KIF26B: variants seen among roughly 807,000 people sequenced by gnomAD.
KIF26B encodes kinesin-like protein KIF26B.
In KIF26B, 63 loss-of-function variants were observed where a neutral mutation model predicts 151.2. The ratio of observed to expected loss-of-function variants is 0.42; its 90% CI spans 0.34 to 0.51. KIF26B has a LOEUF of 0.51. Among genes scored for constraint, KIF26B ranks in the 20% least tolerant of loss-of-function variants. The pLI is 0.07. For missense variants in KIF26B, 2,813 were observed against 2,913.6 expected (o/e 0.97, Z 0.79); for synonymous variants, 1,357 against 1,262.1 (o/e 1.08, Z -1.59).
intron 4 of KIF26B, among the ~76,000 whole-genome samples, chr1:245,515,424 A>G (rs1225324254): frequency 6.6e-6 from 1 of 152,154 alleles, no homozygotes; most frequent in Admixed American, 6.5e-5. Flanking sequence ...GCAGCACTCA[A>G]TGAATGTTTC....
At chr1:245,311,710 A>G (rs1671668913) in intron 2 of KIF26B, among the ~76,000 whole-genome samples, 1 of 152,214 alleles carries the variant, frequency 6.6e-6, no homozygotes, top group Non-Finnish European at 1.5e-5. Context: ...AGGTGGGTGG[A>G]TCACCTGAGG....
intron 4 of KIF26B, among the ~76,000 whole-genome samples, chr1:245,494,396 T>C (rs929044813): frequency 1.3e-5 from 2 of 152,080 alleles, no homozygotes; most frequent in African/African-American, 4.8e-5. Context: ...CCTTGAAGAA[T>C]CATAACCTAA....
intron 2 of KIF26B, among the ~76,000 whole-genome samples, chr1:245,356,561 GA>G (rs1024767843): frequency 3.1e-4 from 46 of 148,154 alleles, no homozygotes; most frequent in African/African-American, 4.7e-4. Context: ...TGTCTCAAAA[GA>G]AAAAAAAAAT....
chr1:245,431,054 C>T (rs1658765360), intron 4 of KIF26B, among the ~76,000 whole-genome samples: 5 of 152,158 alleles, frequency 3.3e-5, no homozygotes. Context: ...CCTCCAAACT[C>T]AAGATGGGTT....
intron 10 of KIF26B, among the ~76,000 whole-genome samples, chr1:245,658,916 T>G (rs2044103113): frequency 6.6e-6 from 1 of 152,090 alleles, no homozygotes; most frequent in South Asian, 2.1e-4. Context: ...CATATACCTC[T>G]CCTATCATAT....
chr1:245,198,682 G>A (rs1052022611), intron 2 of KIF26B, among the ~76,000 whole-genome samples: 2 of 150,290 alleles, frequency 1.3e-5, no homozygotes, highest in South Asian at 2.1e-4. Context: ...GATCGAGGTC[G>A]CACCATTGCA....
At chr1:245,309,680 C>A (rs1038549631) in intron 2 of KIF26B, among the ~76,000 whole-genome samples, 24 of 147,706 alleles carry the variant, frequency 1.6e-4, no homozygotes, top group African/African-American at 3.2e-4. Flanking sequence ...TAATAAATAT[C>A]TCTCACTATA....
intron 2 of KIF26B, among the ~76,000 whole-genome samples, chr1:245,333,292 C>T (rs1468606928): frequency 1.3e-5 from 2 of 152,222 alleles, no homozygotes; most frequent in East Asian, 1.9e-4. Context: ...ACACACGCTA[C>T]AGCCTGGATG....
chr1:245,181,860 C>T lies in KIF26B; in HGVS notation c.465+25177C>T, dbSNP rs115975796. Among the ~76,000 whole-genome samples, 421 of 152,162 alleles carry T rather than the reference C, an allele frequency of 2.8e-3. 1 individual carries two copies. Among genetic ancestry groups the T allele is most frequent in the Middle Eastern group, 0.01 (3 of 294 alleles). On this transcript the variant is annotated intron_variant, in intron 2 of 14. Transcript: ENST00000407071. ...TGGCAGAGGAGGAGATGCTGGCGAC[C>T]GTGCTAATGCTAGCTAATGCTAATT... is the stretch of plus-strand genomic sequence containing the variant.
At chr1:245,306,809 A>G (rs755482308) in intron 2 of KIF26B, among the ~76,000 whole-genome samples, 2 of 152,198 alleles carry the variant, frequency 1.3e-5, no homozygotes, top group African/African-American at 2.4e-5. Context: ...TGTATCTGTC[A>G]TATGATCTCT....
intron 2 of KIF26B, among the ~76,000 whole-genome samples, chr1:245,261,775 G>A (rs1384694697): frequency 6.6e-6 from 1 of 151,366 alleles, no homozygotes; most frequent in Non-Finnish European, 1.5e-5. Context: ...GTAGCGACAG[G>A]GTTTTGCCAT....
chr1:245,630,430 C>T (rs2043768653), intron 9 of KIF26B, among the ~76,000 whole-genome samples: 1 of 152,118 alleles, frequency 6.6e-6, no homozygotes, highest in Admixed American at 6.6e-5. Context: ...ATGTCCTTTG[C>T]AGGGACATGG....
chr1:245,569,207 CT>C (rs932212316), intron 5 of KIF26B, among the ~76,000 whole-genome samples: 1 of 152,230 alleles, frequency 6.6e-6, no homozygotes, highest in South Asian at 2.1e-4. Flanking sequence ...CCTTCTTTCT[CT>C]TTGTTTACTC....
rs1660852800 is a variant in KIF26B at position 245,512,186 on chromosome 1, T to C, written c.1167-28581T>C. 6.6e-6 allele frequency among the ~76,000 whole-genome samples: 1 copy of C among 152,176 alleles called. No individual in the cohort carries two copies. Among genetic ancestry groups the C allele is most frequent in the Admixed American group, 6.5e-5 (1 of 15,274 alleles). On this transcript the variant is annotated intron_variant, in intron 4 of 14. Coordinates refer to ENST00000407071, the MANE Select transcript of KIF26B (RefSeq NM_018012.4). This position sits in a 1 kb window ranked among gnomAD's most constrained non-coding sequence, Gnocchi z 4.3. ...GATTTGGAAGTGGGATTTCTAACAATAAGAGTCGTGAGTTTTTCTGAGCTA... is the reference window on the plus strand; with the variant it reads ...GATTTGGAAGTGGGATTTCTAACAACAAGAGTCGTGAGTTTTTCTGAGCTA...
intron 9 of KIF26B, among the ~76,000 whole-genome samples, chr1:245,631,159 A>G (rs2043777614): frequency 6.6e-6 from 1 of 152,152 alleles, no homozygotes; most frequent in Non-Finnish European, 1.5e-5. Context: ...TTCCAGTACT[A>G]TGTTGAATAA....
At chr1:245,525,811 A>G (rs1225346750) in intron 4 of KIF26B, among the ~76,000 whole-genome samples, 1 of 152,242 alleles carries the variant, frequency 6.6e-6, no homozygotes, top group East Asian at 1.9e-4. Context: ...TTTTATTCTT[A>G]GCCAAGGATT....
chr1:245,602,045 C>T lies in KIF26B; in HGVS notation c.1351-532C>T, dbSNP rs2043402319. Among the ~76,000 whole-genome samples the T allele has an allele frequency of 6.6e-6, 1 of 152,170 alleles. No individual in the cohort carries two copies. The highest frequency in any genetic ancestry group is 1.5e-5 in the Non-Finnish European group (1 of 68,038). ...AGACCAGTCTTTTATCACTGTTGCC[C>T]CTTGGAACACATTTCGAATGCTGGC... On this transcript the variant is annotated intron_variant, in intron 5 of 14. Coordinates refer to ENST00000407071, the MANE Select transcript of KIF26B (RefSeq NM_018012.4). This position sits in a 1 kb window ranked among gnomAD's most constrained non-coding sequence, Gnocchi z 4.5.
chr1:245,374,521 T>A (rs192814079), intron 3 of KIF26B, among the ~76,000 whole-genome samples: 276 of 152,180 alleles, frequency 1.8e-3, no homozygotes, highest in Admixed American at 6.1e-3. Context: ...TCTTGAGGGC[T>A]CATCCAGCCA....
intron 4 of KIF26B, among the ~76,000 whole-genome samples, chr1:245,528,354 A>G (rs1303389527): frequency 2.6e-5 from 4 of 152,218 alleles, no homozygotes; most frequent in African/African-American, 9.6e-5. Flanking sequence ...GTCAGGCAGC[A>G]GGCAAAACTC....
Sources: gnomAD v4.1 joint callset for allele counts (sites outside exome capture counted in the v4.1 genomes callset) on GRCh38, gnomAD v4.1.1 for gene constraint, Gnocchi (gnomAD v3.1) non-coding constraint, MANE v1.5 for transcripts, NCBI Gene and HGNC (gene_info 2026-07-23, HGNC 2026-07-21) for gene names.